The following TBC1D5 variants were observed in gnomAD, a reference collection of about 807,000 sequenced individuals.
The protein encoded by TBC1D5 is TBC1 domain family, member 5.
TBC1D5 carries 75 observed loss-of-function variants against 100.3 expected under a neutral mutation model. The observed-to-expected ratio is 0.75, with a 90% CI of 0.62 to 0.91. The LOEUF is 0.91. Ranked by LOEUF, TBC1D5 falls within the 40% of genes least tolerant of loss-of-function variation. The pLI is 0.00. For synonymous variants in TBC1D5, 323 were observed against 325.6 expected, an observed-to-expected ratio of 0.99 and a Z score of 0.09; for missense variants, 910 against 942.4, an observed-to-expected ratio of 0.97 and a Z score of 0.45.
chr3:17,403,180 C>A lies in TBC1D5; in HGVS notation c.509+1G>T. On this transcript the variant is annotated splice_donor_variant, in intron 8 of 21. Transcript: ENST00000253692. LOFTEE classifies it high-confidence loss of function. ...AGTAACATGTAAATAGTTCTACATA[C>A]GTTCTTTTGACATCTTGTTCAATCA... The A allele has an allele frequency of 6.3e-7, 1 of 1,580,460 alleles. No individual in the cohort carries two copies. Among genetic ancestry groups the A allele is most frequent in the South Asian group, 1.1e-5 (1 of 87,000 alleles).
At chr3:17,297,810 G>C (rs1409445852) in intron 14 of TBC1D5, among the ~76,000 whole-genome samples, 1 of 149,796 alleles carries the variant, frequency 6.7e-6, no homozygotes, top group African/African-American at 2.5e-5. Flanking sequence ...GGCTGGTCTT[G>C]AACTCCTGGG....
At chr3:17,527,585 T>C (rs902406254) in intron 2 of TBC1D5, among the ~76,000 whole-genome samples, 3 of 152,154 alleles carry the variant, frequency 2.0e-5, no homozygotes, top group Admixed American at 2.0e-4. Flanking sequence ...CTCAGCCCCT[T>C]CTTCAGAAAA....
intron 2 of TBC1D5, among the ~76,000 whole-genome samples, chr3:17,571,796 G>A (rs73165722): frequency 0.051 from 7,767 of 152,090 alleles, 630 homozygotes; most frequent in African/African-American, 0.17. Flanking sequence ...CCAAGGAGAT[G>A]TACTACTCAA....
intron 15 of TBC1D5, among the ~76,000 whole-genome samples, chr3:17,261,523 G>A (rs960582173): frequency 6.6e-6 from 1 of 152,106 alleles, no homozygotes; most frequent in South Asian, 2.1e-4. Flanking sequence ...GCCCAGGCTG[G>A]AGTGTAGTAC....
At chr3:17,516,866 C>G (rs533806767) in intron 2 of TBC1D5, among the ~76,000 whole-genome samples, 127 of 152,226 alleles carry the variant, frequency 8.3e-4, no homozygotes, top group African/African-American at 2.5e-3. Flanking sequence ...CTCCCTTCTC[C>G]CTCAACATGC....
At chr3:17,436,291 T>C (rs1283523350) in intron 3 of TBC1D5, among the ~76,000 whole-genome samples, 1 of 152,004 alleles carries the variant, frequency 6.6e-6, no homozygotes, top group African/African-American at 2.4e-5. Context: ...TAAGAAAGAT[T>C]AAATGAGATA....
At chr3:17,285,421 C>T (rs1162467559) in intron 15 of TBC1D5, among the ~76,000 whole-genome samples, 3 of 150,968 alleles carry the variant, frequency 2.0e-5, no homozygotes, top group Non-Finnish European at 3.0e-5. Flanking sequence ...CTACCACGCC[C>T]GGCTAATTTT....
chr3:17,662,713 T>C (rs937315778), intron 1 of TBC1D5, among the ~76,000 whole-genome samples: 1 of 152,216 alleles, frequency 6.6e-6, no homozygotes. Context: ...AGAAGGCATC[T>C]GAGTGTCCAA....
intron 3 of TBC1D5, among the ~76,000 whole-genome samples, chr3:17,457,763 C>T (rs2149847009): frequency 6.6e-6 from 1 of 151,622 alleles, no homozygotes; most frequent in East Asian, 1.9e-4. Flanking sequence ...GTATTATTGT[C>T]ATCAGATGTA....
chr3:17,455,395 TAC>T (rs1240457919), intron 3 of TBC1D5, among the ~76,000 whole-genome samples: 4 of 144,810 alleles, frequency 2.8e-5, no homozygotes, highest in Non-Finnish European at 4.5e-5. Context: ...AAAAAGTATA[TAC>T]ACACACGTGT....
chr3:17,422,158 G>A (rs986123061), intron 4 of TBC1D5, among the ~76,000 whole-genome samples: 1 of 151,728 alleles, frequency 6.6e-6, no homozygotes, highest in Non-Finnish European at 1.5e-5. Context: ...TTTGTTTTTT[G>A]GTTTTTGGGA....
At position 17,413,201 on chromosome 3, in the gene TBC1D5, GAGT is replaced by G. The variant is rs560666219; in HGVS notation, c.168-6678_168-6676del. 8.1e-4 allele frequency among the ~76,000 whole-genome samples: 123 copies of G among 152,276 alleles called. 1 individual carries two copies. The highest frequency in any genetic ancestry group is 2.8e-3 in the African/African-American group (117 of 41,566). ...CATCTAAGCAGGGAAAGGTGAAGAT[GAGT>G]AGGTTTCATTTCTCAGGCCAATGTT... is the stretch of plus-strand genomic sequence containing the variant. On this transcript the variant is annotated intron_variant, in intron 4 of 21. Coordinates refer to ENST00000253692, the Ensembl canonical transcript of TBC1D5.
chr3:17,172,880 T>G (rs1559347483), intron 19 of TBC1D5, among the ~76,000 whole-genome samples: 1 of 152,110 alleles, frequency 6.6e-6, no homozygotes, highest in Non-Finnish European at 1.5e-5. Context: ...GTGAGGGTGT[T>G]AGTGAGTAGA....
Position 17,689,900 on chromosome 3 carries a change from T to TC in TBC1D5, c.-101+49442dup, listed in dbSNP as rs61658104. 6.3e-3 allele frequency among the ~76,000 whole-genome samples: 961 copies of TC among 151,588 alleles called. 11 individuals are homozygous for TC. The highest frequency in any genetic ancestry group is 0.022 in the African/African-American group (899 of 41,252). ...CATACAACAAACAGGATAGGACCCC[T>TC]CCCCCCCAAAAAATCAGTTATTCAG... On this transcript the variant is annotated intron_variant, in intron 1 of 21. Coordinates refer to ENST00000253692, the Ensembl canonical transcript of TBC1D5.
At chr3:17,230,825 T>C (rs2075352109) in intron 17 of TBC1D5, among the ~76,000 whole-genome samples, 2 of 152,170 alleles carry the variant, frequency 1.3e-5, no homozygotes, top group Admixed American at 6.5e-5. Flanking sequence ...CCGCTGTGGA[T>C]ACCAAAATCC....
chr3:17,711,134 G>C (rs1393399834), intron 1 of TBC1D5, among the ~76,000 whole-genome samples: 1 of 152,080 alleles, frequency 6.6e-6, no homozygotes, highest in Non-Finnish European at 1.5e-5. Flanking sequence ...GCCTGAGATG[G>C]TCGTATGAGG....
intron 2 of TBC1D5, among the ~76,000 whole-genome samples, chr3:17,623,257 T>G (rs1454111033): frequency 6.6e-6 from 1 of 152,196 alleles, no homozygotes; most frequent in East Asian, 1.9e-4. Flanking sequence ...TCTAGGACGC[T>G]CTCAGGTAAC....
intron 19 of TBC1D5, among the ~76,000 whole-genome samples, chr3:17,173,366 A>G (rs893575153): frequency 2.0e-5 from 3 of 152,170 alleles, no homozygotes; most frequent in Non-Finnish European, 4.4e-5. Flanking sequence ...CTTTTATTCC[A>G]TGGTGGAACT....
At chr3:17,344,332 T>G (rs546742526) in intron 13 of TBC1D5, among the ~76,000 whole-genome samples, 128 of 152,238 alleles carry the variant, frequency 8.4e-4, no homozygotes, top group African/African-American at 2.5e-3. Flanking sequence ...TCAAAGAGAA[T>G]AAAATACTGA....
Sources: gnomAD v4.1 joint callset for allele counts (sites outside exome capture counted in the v4.1 genomes callset) on GRCh38, gnomAD v4.1.1 for gene constraint, MANE v1.5 for transcripts, NCBI Gene and HGNC (gene_info 2026-07-23, HGNC 2026-07-21) for gene names.